SLC16A7: variants seen among roughly 807,000 people sequenced by gnomAD.
SLC16A7 encodes the protein monocarboxylate transporter 2.
SLC16A7 carries 33 observed loss-of-function variants against 34.9 expected under a neutral mutation model. The ratio of observed to expected loss-of-function variants is 0.94; its 90% CI spans 0.72 to 1.26. SLC16A7 has a LOEUF of 1.26. SLC16A7 is among the 50% of genes most tolerant of loss of function. The probability of loss-of-function intolerance (pLI) is 0.00; values close to 1 mark genes in which losing one functional copy is unlikely to be tolerated. For synonymous variants in SLC16A7, 201 were observed against 206.6 expected (o/e 0.97, Z 0.23); for missense variants, 573 against 578.1 (o/e 0.99, Z 0.09).
chr12:59,602,479 CTTTT>C (rs34035713), intron 1 of SLC16A7, among the ~76,000 whole-genome samples: 1 of 80,280 alleles, frequency 1.2e-5, no homozygotes, highest in Non-Finnish European at 2.3e-5. Context: ...GTGTTTTGGG[CTTTT>C]TTTTTTTTTT....
chr12:59,715,094 A>G lies in SLC16A7; in HGVS notation c.217+10076A>G, dbSNP rs142157587. Among the ~76,000 whole-genome samples the G allele has an allele frequency of 1.4e-3, 210 of 152,286 alleles. 1 individual carries two copies. The highest frequency in any genetic ancestry group is 6.8e-3 in the Middle Eastern group (2 of 294). On this transcript the variant is annotated intron_variant, in intron 3 of 5. Transcript: ENST00000547379. The stretch of plus-strand genomic sequence containing the variant: ...TCCCTTTTAATCAATTTTAAGAGCA[A>G]ATGCATAATCCAGAATGTGTTAAAA...
intron 1 of SLC16A7, among the ~76,000 whole-genome samples, chr12:59,653,381 ATAAT>A (rs1454703528): frequency 1.3e-5 from 2 of 151,760 alleles, no homozygotes; most frequent in African/African-American, 2.4e-5. Flanking sequence ...GGTAAGAAAT[ATAAT>A]TATGCAGACA....
chr12:59,725,461 G>T (rs1006863241), intron 3 of SLC16A7, among the ~76,000 whole-genome samples: 1 of 151,958 alleles, frequency 6.6e-6, no homozygotes, highest in Non-Finnish European at 1.5e-5. Context: ...ATTTATCCTT[G>T]TTAGGTCAGT....
chr12:59,788,431 A>G lies in SLC16A7; in HGVS notation c.*8752A>G, dbSNP rs1883769719. On this transcript the variant is annotated 3_prime_UTR_variant, in exon 6 of 6. Coordinates refer to ENST00000547379, the MANE Select transcript of SLC16A7 (RefSeq NM_001270623.2). ...CTTAATGACCACTGAACAAATGATC[A>G]TATTGCCACATGGTCTATCAACTAT... 6.6e-6 allele frequency: 1 copy of G among 152,118 alleles called. No homozygotes were observed. The highest frequency in any genetic ancestry group is 2.4e-5 in the African/African-American group (1 of 41,466). 9.4% of individuals were successfully genotyped at this position (152,118 alleles called of 1,614,324 possible).
intron 2 of SLC16A7, among the ~76,000 whole-genome samples, chr12:59,677,501 C>T (rs1253223139): frequency 6.6e-6 from 1 of 152,142 alleles, no homozygotes; most frequent in Non-Finnish European, 1.5e-5. Flanking sequence ...ATATCTGTCT[C>T]ATTCTCAATC....
chr12:59,743,316 G>A (rs1168031432), intron 3 of SLC16A7, among the ~76,000 whole-genome samples: 1 of 152,098 alleles, frequency 6.6e-6, no homozygotes, highest in Non-Finnish European at 1.5e-5. Context: ...GAAAATACTT[G>A]TAAAAGTTAT....
chr12:59,638,518 A>G (rs1403343243), intron 1 of SLC16A7, among the ~76,000 whole-genome samples: 1 of 152,156 alleles, frequency 6.6e-6, no homozygotes, highest in African/African-American at 2.4e-5. Flanking sequence ...GACAGACCTG[A>G]CTTTTAACAT....
intron 1 of SLC16A7, among the ~76,000 whole-genome samples, chr12:59,638,600 T>C (rs1207244375): frequency 6.6e-6 from 1 of 152,148 alleles, no homozygotes; most frequent in Non-Finnish European, 1.5e-5. Flanking sequence ...CTCCAGTCTA[T>C]TTGGTGTAAT....
intron 1 of SLC16A7, among the ~76,000 whole-genome samples, chr12:59,652,059 G>A (rs1467485338): frequency 1.3e-5 from 2 of 151,960 alleles, no homozygotes; most frequent in East Asian, 3.9e-4. Context: ...TCTCCTTATA[G>A]AGTAGATTGT....
chr12:59,695,886 G>T (rs938644898), intron 2 of SLC16A7, among the ~76,000 whole-genome samples: 1 of 152,054 alleles, frequency 6.6e-6, no homozygotes, highest in African/African-American at 2.4e-5. Context: ...TGATTAGGAA[G>T]TGTGAATTCT....
intron 3 of SLC16A7, among the ~76,000 whole-genome samples, chr12:59,732,678 A>G (rs966137479): frequency 1.3e-5 from 2 of 152,190 alleles, no homozygotes; most frequent in African/African-American, 4.8e-5. Context: ...TAATTTTTGT[A>G]CCACATTCTG....
chr12:59,766,464 G>A (rs1456906033), intron 3 of SLC16A7, among the ~76,000 whole-genome samples: 2 of 152,030 alleles, frequency 1.3e-5, no homozygotes, highest in East Asian at 3.9e-4. Flanking sequence ...ATTGGCTGTG[G>A]GTTTGTCATA....
Position 59,783,065 on chromosome 12 carries a change from G to T in SLC16A7, c.*3386G>T, listed in dbSNP as rs1279680586. The T allele has an allele frequency of 6.6e-6, 1 of 152,080 alleles. No homozygotes were observed. The highest frequency in any genetic ancestry group is 6.6e-5 in the Admixed American group (1 of 15,242). The allele number at this position is 152,080 out of a possible 1,614,324, so 9.4% of individuals were successfully genotyped here. On this transcript the variant is annotated 3_prime_UTR_variant, in exon 6 of 6. Transcript: ENST00000547379. ...AAGAATATAGAAAAGAAGACTAAAA[G>T]ATATATGATATAAATGTAAGTTTTT...
At chr12:59,671,341 A>G (rs1202526010) in intron 2 of SLC16A7, among the ~76,000 whole-genome samples, 1 of 152,182 alleles carries the variant, frequency 6.6e-6, no homozygotes, top group Non-Finnish European at 1.5e-5. Flanking sequence ...ATTCCATTCT[A>G]TGAATATGTA....
At chr12:59,714,031 G>A (rs1475026337) in intron 3 of SLC16A7, among the ~76,000 whole-genome samples, 6 of 152,312 alleles carry the variant, frequency 3.9e-5, no homozygotes, top group East Asian at 1.9e-4. Context: ...AATGGAAATC[G>A]ATCTCATAAT....
At chr12:59,622,464 G>A (rs557924358) in intron 1 of SLC16A7, among the ~76,000 whole-genome samples, 1 of 151,856 alleles carries the variant, frequency 6.6e-6, no homozygotes, top group South Asian at 2.1e-4. Flanking sequence ...TGTTTTATAT[G>A]TGTTATATAT....
chr12:59,770,972 A>G (rs1051215273), intron 3 of SLC16A7, among the ~76,000 whole-genome samples: 13 of 151,954 alleles, frequency 8.6e-5, no homozygotes, highest in African/African-American at 2.9e-4. Flanking sequence ...TTATGGTTAC[A>G]ACGAAATATA....
chr12:59,769,179 C>T (rs1881979822), intron 3 of SLC16A7: 1 of 152,078 alleles, frequency 6.6e-6, no homozygotes, highest in African/African-American at 2.4e-5. Context: ...GTTATGCACA[C>T]TTTTTAGATA....
intron 3 of SLC16A7, among the ~76,000 whole-genome samples, chr12:59,720,896 T>A (rs1029358531): frequency 7.2e-5 from 11 of 152,052 alleles, no homozygotes; most frequent in Non-Finnish European, 4.4e-5. Context: ...AAACTTCAGA[T>A]TCAATTAATT....
Sources: gnomAD v4.1 joint callset for allele counts (sites outside exome capture counted in the v4.1 genomes callset) on GRCh38, gnomAD v4.1.1 for gene constraint, MANE v1.5 for transcripts, NCBI Gene and HGNC (gene_info 2026-07-23, HGNC 2026-07-21) for gene names.